The following LRRC4C variants were observed in gnomAD, a reference collection of about 807,000 sequenced individuals.
The protein encoded by LRRC4C is leucine rich repeat containing 4C, also known as leucine-rich repeat-containing protein 4C.
In LRRC4C, 5 loss-of-function variants were observed where a neutral mutation model predicts 33.6. The ratio of observed to expected loss-of-function variants is 0.15; its 90% CI spans 0.08 to 0.31. The LOEUF (loss-of-function observed/expected upper bound fraction) is 0.31. Among genes scored for constraint, LRRC4C ranks in the 10% least tolerant of loss-of-function variants. The probability of loss-of-function intolerance (pLI) is 1.00; values close to 1 mark genes in which losing one functional copy is unlikely to be tolerated. For synonymous variants in LRRC4C, 329 were observed against 302.0 expected (o/e 1.09, Z -0.93); for missense variants, 560 against 796.7 (o/e 0.70, Z 3.58).
chr11:41,135,594 A>T (rs1943220822), intron 1 of LRRC4C, among the ~76,000 whole-genome samples: 1 of 152,166 alleles, frequency 6.6e-6, no homozygotes, highest in Admixed American at 6.6e-5. Context: ...ATATACATTA[A>T]TGTTGTATGT....
chr11:41,323,414 T>C (rs755150263), intron 1 of LRRC4C, among the ~76,000 whole-genome samples: 4 of 152,116 alleles, frequency 2.6e-5, no homozygotes, highest in Non-Finnish European at 4.4e-5. Context: ...TATATTAAAG[T>C]TACAGGAAGA....
At chr11:40,840,351 T>C (rs1477685830) in intron 2 of LRRC4C, among the ~76,000 whole-genome samples, 1 of 152,226 alleles carries the variant, frequency 6.6e-6, no homozygotes, top group Non-Finnish European at 1.5e-5. Context: ...GTCTTTATTT[T>C]ACTACCAAGC....
intron 1 of LRRC4C, among the ~76,000 whole-genome samples, chr11:41,051,786 C>T (rs1858247289): frequency 6.6e-6 from 1 of 152,054 alleles, no homozygotes; most frequent in South Asian, 2.1e-4. Flanking sequence ...AAATCACTGG[C>T]TTCACCACCA....
chr11:41,025,267 T>TA (rs34878361), intron 1 of LRRC4C, among the ~76,000 whole-genome samples: 1 of 151,602 alleles, frequency 6.6e-6, no homozygotes, highest in Non-Finnish European at 1.5e-5. Context: ...CCAAGATAGA[T>TA]ATGTTAAAAG....
chr11:41,021,745 G>C (rs376520168), intron 1 of LRRC4C, among the ~76,000 whole-genome samples: 9 of 152,076 alleles, frequency 5.9e-5, no homozygotes, highest in African/African-American at 2.2e-4. Flanking sequence ...CACAGAATTT[G>C]TCTCTATGTG....
intron 2 of LRRC4C, among the ~76,000 whole-genome samples, chr11:40,744,904 C>T (rs10734486): frequency 0.78 from 118,546 of 151,976 alleles, 46,378 homozygotes; most frequent in Middle Eastern, 0.84. Flanking sequence ...AGATGTATAT[C>T]GATTACCAAC....
intron 1 of LRRC4C, among the ~76,000 whole-genome samples, chr11:41,232,459 G>C (rs1036780695): frequency 3.3e-5 from 5 of 151,982 alleles, no homozygotes; most frequent in African/African-American, 1.2e-4. Context: ...AACGTTCCCT[G>C]GGTAAGGGTG....
chr11:41,128,659 G>A (rs1942863984), intron 1 of LRRC4C, among the ~76,000 whole-genome samples: 1 of 151,940 alleles, frequency 6.6e-6, no homozygotes, highest in African/African-American at 2.4e-5. Flanking sequence ...CTCCTAATGA[G>A]TATTCCTTAT....
intron 1 of LRRC4C, among the ~76,000 whole-genome samples, chr11:41,026,161 G>T (rs1022420153): frequency 4.0e-5 from 6 of 151,530 alleles, no homozygotes; most frequent in East Asian, 1.9e-4. Flanking sequence ...TGATAAATCT[G>T]GACAAACTAT....
chr11:40,303,037 G>A (rs528896199), intron 4 of LRRC4C, among the ~76,000 whole-genome samples: 78 of 152,060 alleles, frequency 5.1e-4, no homozygotes, highest in African/African-American at 1.7e-3. Context: ...TTTTCTTTTT[G>A]GGGAGTTTTT....
At position 40,129,953 on chromosome 11, in the gene LRRC4C, C is replaced by T. The variant is rs575292394; in HGVS notation, c.-43+10848G>A. On this transcript the variant is annotated intron_variant, in intron 6 of 6. Coordinates refer to ENST00000528697, the MANE Select transcript of LRRC4C (RefSeq NM_001258419.2). The stretch of plus-strand genomic sequence containing the variant: ...TTGTTTTTTTTCCTGCCTGTTTACA[C>T]TCTCATGATGCTGGAGAGATAAGTG... 5.3e-5 allele frequency among the ~76,000 whole-genome samples: 8 copies of T among 152,258 alleles called. No individual in the cohort carries two copies. In the East Asian group the frequency reaches 1.2e-3, roughly 22 times the overall value.
chr11:40,915,436 GAAATGAGA>G (rs1329180975), intron 2 of LRRC4C, among the ~76,000 whole-genome samples: 1 of 152,106 alleles, frequency 6.6e-6, no homozygotes, highest in Non-Finnish European at 1.5e-5. Flanking sequence ...ACAAAAACAA[GAAATGAGA>G]AAAGGATTCC....
chr11:40,665,360 A>ATG (rs1943739093), intron 2 of LRRC4C, among the ~76,000 whole-genome samples: 6 of 14,302 alleles, frequency 4.2e-4, no homozygotes, highest in African/African-American at 1.2e-3. Flanking sequence ...ATATATATAT[A>ATG]TATGTATATA....
At position 40,718,107 on chromosome 11, in the gene LRRC4C, C is replaced by T. The variant is rs187018984; in HGVS notation, c.-406-69829G>A. 3.3e-5 allele frequency among the ~76,000 whole-genome samples: 5 copies of T among 152,236 alleles called. No individual in the cohort carries two copies. The East Asian group carries it at 7.7e-4, about 24-fold the overall frequency. On this transcript the variant is annotated intron_variant, in intron 2 of 6. Coordinates refer to ENST00000528697, the MANE Select transcript of LRRC4C (RefSeq NM_001258419.2). ...TTTATCCTTTAGATTCCATCAAACG[C>T]ATGGTGGATGCCTATGTAATCATTT... is the stretch of plus-strand genomic sequence containing the variant.
At chr11:41,201,034 A>G (rs1336166697) in intron 1 of LRRC4C, among the ~76,000 whole-genome samples, 1 of 152,192 alleles carries the variant, frequency 6.6e-6, no homozygotes, top group Non-Finnish European at 1.5e-5. Flanking sequence ...GTTAATTTCC[A>G]ATGTTTTAAG....
intron 2 of LRRC4C, among the ~76,000 whole-genome samples, chr11:40,821,584 C>T (rs1489849307): frequency 1.3e-5 from 2 of 151,378 alleles, no homozygotes; most frequent in Non-Finnish European, 3.0e-5. Context: ...ACAGAGAGTT[C>T]TTATATGGCC....
intron 2 of LRRC4C, among the ~76,000 whole-genome samples, chr11:40,887,933 C>T (rs1345093403): frequency 2.0e-5 from 3 of 151,892 alleles, no homozygotes; most frequent in Admixed American, 6.6e-5. Context: ...CATGCCTCTC[C>T]TTCATTATAA....
At chr11:41,169,077 G>A (rs942864113) in intron 1 of LRRC4C, among the ~76,000 whole-genome samples, 5 of 152,138 alleles carry the variant, frequency 3.3e-5, no homozygotes, top group Non-Finnish European at 7.3e-5. Context: ...TTTTTTAAGA[G>A]CTACTATTCA....
At chr11:41,101,828 G>T (rs1354500549) in intron 1 of LRRC4C, among the ~76,000 whole-genome samples, 1 of 152,070 alleles carries the variant, frequency 6.6e-6, no homozygotes, top group African/African-American at 2.4e-5. Context: ...CATTACCTTT[G>T]CAGGAACGTG....
Sources: gnomAD v4.1 joint callset for allele counts (sites outside exome capture counted in the v4.1 genomes callset) on GRCh38, gnomAD v4.1.1 for gene constraint, MANE v1.5 for transcripts, NCBI Gene and HGNC (gene_info 2026-07-23, HGNC 2026-07-21) for gene names.